WARS2: variants seen among roughly 807,000 people sequenced by gnomAD.
WARS2 encodes the protein tryptophanyl tRNA synthetase 2, mitochondrial.
In WARS2, 28 loss-of-function variants were observed where a neutral mutation model predicts 36.5. The observed-to-expected ratio is 0.77, with a 90% CI of 0.57 to 1.05. The LOEUF (loss-of-function observed/expected upper bound fraction) is 1.05, where lower values mean the gene tolerates loss of function less well. Ranked by LOEUF, WARS2 falls within the 50% of genes least tolerant of loss-of-function variation. WARS2 has a pLI of 0.00. For synonymous variants in WARS2, 174 were observed against 178.4 expected (o/e 0.98, Z 0.20); for missense variants, 435 against 456.8 (o/e 0.95, Z 0.44).
At chr1:119,084,377 G>T (rs1279982274) in intron 1 of WARS2, among the ~76,000 whole-genome samples, 2 of 152,108 alleles carry the variant, frequency 1.3e-5, no homozygotes, top group Non-Finnish European at 2.9e-5. Context: ...ACACAACATT[G>T]TGGATGTTTA....
At chr1:119,085,904 C>A (rs1040748554) in intron 1 of WARS2, 2 of 1,610,566 alleles carry the variant, frequency 1.2e-6, no homozygotes, top group Admixed American at 1.7e-5. Flanking sequence ...CAAGCTGGAC[C>A]TCTCGCTCAT....
chr1:119,080,124 T>C (rs1011260931), intron 1 of WARS2, among the ~76,000 whole-genome samples: 5 of 151,892 alleles, frequency 3.3e-5, no homozygotes, highest in African/African-American at 9.7e-5. Flanking sequence ...TAGGGACTGA[T>C]TGATGAAGAG....
intron 1 of WARS2, among the ~76,000 whole-genome samples, chr1:119,113,268 C>T (rs1189743449): frequency 6.6e-6 from 1 of 152,128 alleles, no homozygotes; most frequent in African/African-American, 2.4e-5. Context: ...ACTGCTAGGG[C>T]CTAGAACACA....
At chr1:119,037,131 CTTTT>C (rs1557932408) in intron 4 of WARS2, among the ~76,000 whole-genome samples, 1 of 152,040 alleles carries the variant, frequency 6.6e-6, no homozygotes, top group African/African-American at 2.4e-5. Flanking sequence ...TGTGTCTTCT[CTTTT>C]TTTCTGTTTT....
intron 1 of WARS2, among the ~76,000 whole-genome samples, chr1:119,138,586 C>CT (rs1418557102): frequency 6.6e-6 from 1 of 152,076 alleles, no homozygotes; most frequent in Non-Finnish European, 1.5e-5. Flanking sequence ...CCCTTCCAGG[C>CT]TTTTTTTCTA....
rs1367280095 is a variant in WARS2, at chr1:119,031,325, A to G, written c.*1586T>C. 1.3e-5 allele frequency: 2 copies of G among 152,238 alleles called. No individual in the cohort carries two copies. Among genetic ancestry groups the G allele is most frequent in the Non-Finnish European group, 2.9e-5 (2 of 68,042 alleles). 9.4% of individuals were successfully genotyped at this position (152,238 alleles called of 1,614,324 possible). On this transcript the variant is annotated 3_prime_UTR_variant, in exon 6 of 6. Coordinates refer to ENST00000235521, the MANE Select transcript of WARS2 (RefSeq NM_015836.4). ...AGGCTTGTAAGAAATATGCTCAAAG[A>G]GGTTCTAGGACTTACAGACATCCCA...
rs777662163 is a variant in WARS2, at chr1:119,140,550, G to T, written c.90+5C>A. 6.2e-7 allele frequency: 1 copy of T among 1,612,756 alleles called. No individual in the cohort carries two copies. Among genetic ancestry groups the T allele is most frequent in the Non-Finnish European group, 8.5e-7 (1 of 1,178,986 alleles). ...GCCGCGGAGGGAAGGGCCGTCTTTGGTTACCTGGAGAGCGGGAGCAGCTGC... is the reference window on the plus strand; with the variant it reads ...GCCGCGGAGGGAAGGGCCGTCTTTGTTTACCTGGAGAGCGGGAGCAGCTGC... On this transcript the variant is annotated splice_donor_5th_base_variant and intron_variant, in intron 1 of 5. Transcript: ENST00000235521.
intron 1 of WARS2, among the ~76,000 whole-genome samples, chr1:119,117,689 C>T (rs1338831413): frequency 6.6e-6 from 1 of 152,204 alleles, no homozygotes; most frequent in Non-Finnish European, 1.5e-5. Context: ...GAGTCCACTT[C>T]ACTCCCCTGC....
intron 2 of WARS2, among the ~76,000 whole-genome samples, chr1:119,059,471 T>A (rs183814069): frequency 1.4e-3 from 208 of 152,264 alleles, no homozygotes; most frequent in Non-Finnish European, 2.4e-3. Context: ...CCATCTTGAA[T>A]TGATTTTTGT....
chr1:119,094,493 T>TA (rs1348323207), intron 1 of WARS2, among the ~76,000 whole-genome samples: 3 of 152,170 alleles, frequency 2.0e-5, no homozygotes, highest in South Asian at 2.1e-4. Flanking sequence ...TCTTTTACTT[T>TA]AAAAAAACAA....
At position 119,065,599 on chromosome 1, in the gene WARS2, C is replaced by T. The variant is rs534408654; in HGVS notation, c.348+10751G>A. On this transcript the variant is annotated intron_variant, in intron 2 of 5. Transcript: ENST00000235521. ...GCAGTGAGCCAAGATCATGCCACTG[C>T]ACTCCAGCCTGGGTGACAGAGTGAG... Among the ~76,000 whole-genome samples, 470 of 145,816 alleles carry T rather than the reference C, an allele frequency of 3.2e-3. 5 individuals are homozygous for T. The highest frequency in any genetic ancestry group is 0.011 in the African/African-American group (451 of 39,448).
chr1:119,081,047 A>G (rs1184637507), intron 1 of WARS2, among the ~76,000 whole-genome samples: 2 of 152,220 alleles, frequency 1.3e-5, no homozygotes, highest in African/African-American at 2.4e-5. Flanking sequence ...TCATTTTTAT[A>G]ACAGAACCAG....
rs1403412641 is a variant in WARS2 at position 119,032,788 on chromosome 1, AATAATCAGCT to A, written c.*113_*122del. ...AAAGCAATATTCATCAAATAAAGCC[AATAATCAGCT>A]ATACCAAATTAAATGTCCCAAAACT... On this transcript the variant is annotated 3_prime_UTR_variant, in exon 6 of 6. Transcript: ENST00000235521. The A allele has an allele frequency of 1.1e-6, 1 of 902,374 alleles. No homozygotes were observed. Among genetic ancestry groups the A allele is most frequent in the African/African-American group, 1.7e-5 (1 of 59,330 alleles). The allele number at this position is 902,374 out of a possible 1,614,324, so 55.9% of individuals were successfully genotyped here. A position where few individuals can be genotyped will look rare whatever the true frequency, so the allele number is the denominator to read the frequency against.
At chr1:119,081,620 CTCTT>C (rs942641046) in intron 1 of WARS2, among the ~76,000 whole-genome samples, 2 of 152,070 alleles carry the variant, frequency 1.3e-5, no homozygotes, top group African/African-American at 4.8e-5. Context: ...GGATGAAAAT[CTCTT>C]TCTATAAGTC....
intron 2 of WARS2, among the ~76,000 whole-genome samples, chr1:119,065,850 T>C (rs184659086): frequency 4.4e-4 from 67 of 152,236 alleles, no homozygotes; most frequent in African/African-American, 1.3e-3. Flanking sequence ...AGAAAACATA[T>C]ATCCATCATT....
At chr1:119,076,655 T>C (rs776002763) in intron 1 of WARS2, 48 bp from the exon 2 acceptor site, 2 of 1,606,006 alleles carry the variant, frequency 1.2e-6, no homozygotes, top group Admixed American at 3.4e-5. Flanking sequence ...CAGAATCCCA[T>C]GAATCCTATG....
intron 1 of WARS2, among the ~76,000 whole-genome samples, chr1:119,125,559 A>C (rs1369276731): frequency 6.6e-6 from 1 of 152,222 alleles, no homozygotes; most frequent in African/African-American, 2.4e-5. Flanking sequence ...TATTACTCTC[A>C]TGAATTAGAG....
chr1:119,052,498 C>T lies in WARS2; in HGVS notation c.349-6836G>A, dbSNP rs146843087. Among the ~76,000 whole-genome samples, 16 of 152,350 alleles carry T rather than the reference C, an allele frequency of 1.1e-4. No homozygotes were observed. The East Asian group carries it at 3.1e-3, about 29-fold the overall frequency. On this transcript the variant is annotated intron_variant, in intron 2 of 5. Transcript: ENST00000235521. ...TGTATCAATATAAGCTCACTCTCTTCAACTGGTCTTCCCCCACTCAGTACT... is the reference window on the plus strand; with the variant it reads ...TGTATCAATATAAGCTCACTCTCTTTAACTGGTCTTCCCCCACTCAGTACT...
intron 1 of WARS2, among the ~76,000 whole-genome samples, chr1:119,108,231 A>G (rs948411307): frequency 1.3e-5 from 2 of 152,020 alleles, no homozygotes; most frequent in Non-Finnish European, 2.9e-5. Flanking sequence ...CTCTGCTTCT[A>G]TCTTCTGAAA....
Sources: gnomAD v4.1 joint callset for allele counts (sites outside exome capture counted in the v4.1 genomes callset) on GRCh38, gnomAD v4.1.1 for gene constraint, MANE v1.5 for transcripts, NCBI Gene and HGNC (gene_info 2026-07-23, HGNC 2026-07-21) for gene names.